The following ERLIN2 variants were observed in gnomAD, a reference collection of about 807,000 sequenced individuals.
The protein encoded by ERLIN2 is erlin-2.
In ERLIN2, 22 loss-of-function variants were observed where a neutral mutation model predicts 41.5. The ratio of observed to expected loss-of-function variants is 0.53; its 90% CI spans 0.38 to 0.76. ERLIN2 has a LOEUF of 0.76. Among genes scored for constraint, ERLIN2 ranks in the 30% least tolerant of loss-of-function variants. The pLI is 0.00. For synonymous variants in ERLIN2, 149 were observed against 150.9 expected (o/e 0.99, Z 0.09); for missense variants, 247 against 414.3 (o/e 0.60, Z 3.51).
intron 6 of ERLIN2, chr8:37,746,639 A>G (rs1803062801): frequency 3.7e-6 from 2 of 537,238 alleles, no homozygotes; most frequent in South Asian, 8.2e-5. Context: ...CTGCCCGACT[A>G]GAGGGCAGCT....
In ERLIN2 at chr8:37,753,438, C is replaced by G; in HGVS notation, c.740-12C>G. ...GCACTTCACCAAGTTCACTGCACTC[C>G]TTCCCCCTCAGATGCTGCATTTCTG... On this transcript the variant is annotated splice_polypyrimidine_tract_variant and intron_variant, in intron 10 of 11. Transcript: ENST00000519638. 1 of 1,612,628 alleles carries G rather than the reference C, an allele frequency of 6.2e-7. No individual in the cohort carries two copies. The highest frequency in any genetic ancestry group is 1.1e-5 in the South Asian group (1 of 91,022).
chr8:37,757,009 C>G lies in ERLIN2; in HGVS notation c.*2894C>G, dbSNP rs544649507. 1 of 151,906 alleles carries G rather than the reference C, an allele frequency of 6.6e-6. No individual in the cohort carries two copies. The highest frequency in any genetic ancestry group is 1.5e-5 in the Non-Finnish European group (1 of 67,988). The allele number at this position is 151,906 out of a possible 1,614,324, so 9.4% of individuals were successfully genotyped here. On this transcript the variant is annotated 3_prime_UTR_variant, in exon 12 of 12. Transcript: ENST00000519638. ...AAGTTTATTAATAATTTTTATATAA[C>G]TAAAATAAAATAGATGTGGAGGGAT...
chr8:37,746,603 G>A (rs1424799805), intron 6 of ERLIN2: 5 of 871,940 alleles, frequency 5.7e-6, no homozygotes, highest in East Asian at 1.2e-4. Flanking sequence ...TCCCTCCTAT[G>A]TATCCATGCA....
rs919117587 is a variant in ERLIN2 at position 37,751,476 on chromosome 8, A to G, written c.650-150A>G. On this transcript the variant is annotated intron_variant, in intron 9 of 11. Transcript: ENST00000519638. The stretch of plus-strand genomic sequence containing the variant: ...ATGGAAGGGGACTGTGCTCACTGGC[A>G]TATCCCACTCTGCCCTTGTGTGCAC... 14 of 696,478 alleles carry G rather than the reference A, an allele frequency of 2.0e-5. No individual in the cohort carries two copies. In the Admixed American group the frequency reaches 2.2e-4, roughly 11 times the overall value. The allele number at this position is 696,478 out of a possible 1,614,324, so 43.1% of individuals were successfully genotyped here.
At chr8:37,752,356 G>A (rs1803239754) in intron 10 of ERLIN2, among the ~76,000 whole-genome samples, 1 of 152,212 alleles carries the variant, frequency 6.6e-6, no homozygotes, top group African/African-American at 2.4e-5. Flanking sequence ...GGGACCTCAA[G>A]GCCCAGCTTC....
At chr8:37,738,078 C>G in intron 2 of ERLIN2, 49 bp downstream of exon 2, 1 of 1,606,694 alleles carries the variant, frequency 6.2e-7, no homozygotes, top group South Asian at 1.1e-5. Flanking sequence ...AAATAGCTCC[C>G]TTTCCTGGTC....
At position 37,745,426 on chromosome 8, in the gene ERLIN2, CA is replaced by C; in HGVS notation, c.424+733del. The C allele has an allele frequency of 3.7e-6, 3 of 802,682 alleles. No individual in the cohort carries two copies. The Admixed American group carries it at 6.9e-5, about 18-fold the overall frequency. 49.7% of individuals were successfully genotyped at this position (802,682 alleles called of 1,614,324 possible). A position where few individuals can be genotyped will look rare whatever the true frequency, so the allele number is the denominator to read the frequency against. On this transcript the variant is annotated intron_variant, in intron 6 of 11. Transcript: ENST00000519638. Reference sequence around the variant, plus strand: ...AAGTAAAGGCAACCTGACTTAGCAGCAAAGGAAGGACACAGTTGGGTAACTG... The same window carrying C: ...AAGTAAAGGCAACCTGACTTAGCAGCAAGGAAGGACACAGTTGGGTAACTG...
At position 37,756,967 on chromosome 8, in the gene ERLIN2, C is replaced by T. The variant is rs543074754; in HGVS notation, c.*2852C>T. On this transcript the variant is annotated 3_prime_UTR_variant, in exon 12 of 12. Transcript: ENST00000519638. ...TAATCACTTTTTAAAATATAAGGAC[C>T]GAATGCAAGGAAACCAAAGTTTATT... 32 of 152,042 alleles carry T rather than the reference C, an allele frequency of 2.1e-4. No individual in the cohort carries two copies. The East Asian group carries it at 5.0e-3, about 24-fold the overall frequency. The allele number at this position is 152,042 out of a possible 1,614,324, so 9.4% of individuals were successfully genotyped here.
At position 37,755,567 on chromosome 8, in the gene ERLIN2, CCA is replaced by C. The variant is rs1563319209; in HGVS notation, c.*1454_*1455del. ...TGAGCTGACCCCCACCCCCCACCCC[CCA>C]CCCCCCCCCCCCGCCAACTCCTATA... On this transcript the variant is annotated 3_prime_UTR_variant, in exon 12 of 12. Coordinates refer to ENST00000519638, the MANE Select transcript of ERLIN2 (RefSeq NM_007175.8). 16 of 31,590 alleles carry C rather than the reference CCA, an allele frequency of 5.1e-4. No homozygotes were observed. Among genetic ancestry groups the C allele is most frequent in the African/African-American group, 9.1e-4 (6 of 6,568 alleles). The allele number at this position is 31,590 out of a possible 1,614,324, so 2.0% of individuals were successfully genotyped here. A position where few individuals can be genotyped will look rare whatever the true frequency, so the allele number is the denominator to read the frequency against.
Position 37,744,571 on chromosome 8 carries a change from T to A in ERLIN2, c.299T>A (p.Val100Glu), listed in dbSNP as rs752368171. Residue 100 changes from valine to glutamate, a missense_variant and splice_region_variant, in exon 6 of 12, where the codon GTG becomes GAG. Val to Glu is a moderately radical substitution (Grantham distance 121). This residue lies in a region of ERLIN2 where 93 missense variants were observed against 139.0 expected (regional missense o/e 0.67). Coordinates refer to ENST00000519638, the MANE Select transcript of ERLIN2 (RefSeq NM_007175.8). ...EVVNFLVPNA[V>E]YDIVKNYTAD... ...GCCAAGCCCTCTCCTTCCCTCTCAG[T>A]GTATGATATAGTGAAGAACTATACT... 6.2e-7 allele frequency: 1 copy of A among 1,614,146 alleles called. No individual in the cohort carries two copies. Among genetic ancestry groups the A allele is most frequent in the Non-Finnish European group, 8.5e-7 (1 of 1,180,014 alleles).
chr8:37,744,072 A>T (rs1316532900), intron 4 of ERLIN2, among the ~76,000 whole-genome samples: 7 of 152,236 alleles, frequency 4.6e-5, no homozygotes, highest in Admixed American at 1.3e-4. Context: ...ATCAAAAGGC[A>T]TTGCTGATTC....
chr8:37,748,056 A>T, intron 6 of ERLIN2: 2 of 1,476,400 alleles, frequency 1.4e-6, no homozygotes, highest in Non-Finnish European at 1.9e-6. Context: ...GGTCGCGCCG[A>T]AATGACGTCA....
chr8:37,747,884 G>C, intron 6 of ERLIN2: 1 of 1,613,994 alleles, frequency 6.2e-7, no homozygotes. Context: ...TGACAGTCCA[G>C]CACTAGGACC....
Position 37,745,931 on chromosome 8 carries a change from T to G in ERLIN2, c.424+1235T>G, listed in dbSNP as rs541925917. On this transcript the variant is annotated intron_variant, in intron 6 of 11. Transcript: ENST00000519638. Reference sequence around the variant, plus strand: ...AGGACTTGTGACATTACATGAACATTTCAAAGCACTGAAAAAAGACAAAGG... The same window carrying G: ...AGGACTTGTGACATTACATGAACATGTCAAAGCACTGAAAAAAGACAAAGG... 9 of 1,100,442 alleles carry G rather than the reference T, an allele frequency of 8.2e-6. No homozygotes were observed. The African/African-American group carries it at 1.5e-4, about 18-fold the overall frequency. 68.2% of individuals were successfully genotyped at this position (1,100,442 alleles called of 1,614,324 possible). A position where few individuals can be genotyped will look rare whatever the true frequency, so the allele number is the denominator to read the frequency against.
intron 1 of ERLIN2, chr8:37,737,290 G>T (rs894095132): frequency 6.3e-6 from 1 of 159,480 alleles, no homozygotes; most frequent in African/African-American, 2.4e-5. Flanking sequence ...ATATGGGGGG[G>T]AGTGTGGCTT....
intron 6 of ERLIN2, chr8:37,747,841 C>T: frequency 6.2e-7 from 1 of 1,614,104 alleles, no homozygotes; most frequent in Middle Eastern, 1.7e-4. Flanking sequence ...CACACGGGAC[C>T]GGTCCCGGGG....
intron 6 of ERLIN2, chr8:37,747,822 A>C: frequency 6.2e-7 from 1 of 1,614,196 alleles, no homozygotes; most frequent in Non-Finnish European, 8.5e-7. Flanking sequence ...CATGTTTGGC[A>C]GCATCAATCA....
At chr8:37,750,355 A>C (rs755161189) in intron 8 of ERLIN2, 40 bp from the exon 9 acceptor site, 2 of 1,507,984 alleles carry the variant, frequency 1.3e-6, no homozygotes, top group Non-Finnish European at 1.8e-6. Flanking sequence ...GAAGCTCCTG[A>C]GTTTTCCATA....
At chr8:37,744,441 C>A in intron 5 of ERLIN2, 25 bp downstream of exon 5, 1 of 1,612,214 alleles carries the variant, frequency 6.2e-7, no homozygotes, top group African/African-American at 1.3e-5. Context: ...TTTATTCCCA[C>A]CACCAGCTCA....
Sources: allele counts gnomAD v4.1 joint callset (sites outside exome capture counted in the v4.1 genomes callset), GRCh38; gene constraint gnomAD v4.1.1; regional missense constraint gnomAD v4.1.1; transcripts MANE v1.5; gene names NCBI Gene and HGNC (gene_info 2026-07-23, HGNC 2026-07-21).